Variants in PRKCE observed in about 807,000 individuals in gnomAD.
PRKCE encodes the protein protein kinase C epsilon type.
In PRKCE, 16 loss-of-function variants were observed where a neutral mutation model predicts 85.4. That is an observed-to-expected ratio of 0.19 (90% confidence interval 0.13 to 0.28). The LOEUF is 0.28. PRKCE is among the 10% of genes least tolerant of loss of function. PRKCE has a pLI of 1.00. For missense variants in PRKCE, 573 were observed against 975.2 expected, an observed-to-expected ratio of 0.59 and a Z score of 5.49; for synonymous variants, 388 against 371.5, an observed-to-expected ratio of 1.04 and a Z score of -0.51.
chr2:45,778,183 C>T (rs750555150), intron 1 of PRKCE, among the ~76,000 whole-genome samples: 6 of 152,110 alleles, frequency 3.9e-5, no homozygotes, highest in Non-Finnish European at 8.8e-5. Context: ...AAGCCAATTG[C>T]TGATGGCTTT....
At chr2:46,117,066 G>A (rs1471005120) in intron 11 of PRKCE, among the ~76,000 whole-genome samples, 1 of 152,194 alleles carries the variant, frequency 6.6e-6, no homozygotes, top group Non-Finnish European at 1.5e-5. Context: ...GGAAAGTGAA[G>A]AGAACAATTG....
intron 11 of PRKCE, among the ~76,000 whole-genome samples, chr2:46,105,117 A>G (rs1403640987): frequency 6.6e-6 from 1 of 151,512 alleles, no homozygotes; most frequent in African/African-American, 2.4e-5. Flanking sequence ...GGTGTCTGAG[A>G]GTTTGTCCGC....
At chr2:45,775,494 T>C (rs190070859) in intron 1 of PRKCE, among the ~76,000 whole-genome samples, 1 of 152,318 alleles carries the variant, frequency 6.6e-6, no homozygotes, top group Non-Finnish European at 1.5e-5. Context: ...AACATTTCCA[T>C]AGAGTTGTTT....
chr2:45,706,556 C>A (rs906003556), intron 1 of PRKCE, among the ~76,000 whole-genome samples: 1 of 152,142 alleles, frequency 6.6e-6, no homozygotes, highest in African/African-American at 2.4e-5. Flanking sequence ...GATTGGGTTC[C>A]AGAATGATCT....
At chr2:46,168,146 G>A (rs561234405) in intron 14 of PRKCE, among the ~76,000 whole-genome samples, 1 of 152,178 alleles carries the variant, frequency 6.6e-6, no homozygotes, top group Non-Finnish European at 1.5e-5. Flanking sequence ...CCAGGGAAGA[G>A]TGTGAGGCCT....
intron 2 of PRKCE, among the ~76,000 whole-genome samples, chr2:45,924,544 A>C (rs923390394): frequency 1.3e-5 from 2 of 152,206 alleles, no homozygotes; most frequent in African/African-American, 4.8e-5. Context: ...GCCACTTCCT[A>C]GCAGTGGACC....
At chr2:46,078,552 A>AAT (rs75888765) in intron 10 of PRKCE, among the ~76,000 whole-genome samples, 24,980 of 151,108 alleles carry the variant, frequency 0.17, 3,145 homozygotes, top group East Asian at 0.5. Context: ...AAAAAAAAAA[A>AAT]AATAAGATTT....
chr2:45,780,640 G>T (rs541468007), intron 1 of PRKCE, among the ~76,000 whole-genome samples: 1 of 152,216 alleles, frequency 6.6e-6, no homozygotes, highest in African/African-American at 2.4e-5. Context: ...CCAAACCTCT[G>T]TAGGGTTGGC....
chr2:45,978,759 A>C, intron 3 of PRKCE: 1 of 541,194 alleles, frequency 1.8e-6, no homozygotes, highest in Non-Finnish European at 3.3e-6. Context: ...GATGCTGACC[A>C]AACCTTGCAC....
chr2:46,078,813 C>T (rs541846095), intron 10 of PRKCE: 1 of 152,240 alleles, frequency 6.6e-6, no homozygotes, highest in African/African-American at 2.4e-5. Flanking sequence ...GTCTTTGCCC[C>T]AGTTCAGCTT....
At chr2:46,031,591 C>CGTATGTGTGT (rs1491470356) in intron 10 of PRKCE, among the ~76,000 whole-genome samples, 1 of 144,028 alleles carries the variant, frequency 6.9e-6, no homozygotes, top group African/African-American at 2.6e-5. Flanking sequence ...ACATTCTGCT[C>CGTATGTGTGT]GTGTGTGTGT....
At chr2:46,096,473 A>G (rs1024872124) in intron 11 of PRKCE, among the ~76,000 whole-genome samples, 2 of 152,168 alleles carry the variant, frequency 1.3e-5, no homozygotes, top group African/African-American at 2.4e-5. Context: ...AGGGCCTTTA[A>G]AGAGGTAATG....
rs113974755 is a variant in PRKCE, at chr2:45,730,538, C to A, written c.348+78090C>A. 3.3e-5 allele frequency among the ~76,000 whole-genome samples: 5 copies of A among 151,036 alleles called. No individual in the cohort carries two copies. The East Asian group carries it at 9.8e-4, about 30-fold the overall frequency. On this transcript the variant is annotated intron_variant, in intron 1 of 14. Coordinates refer to ENST00000306156, the MANE Select transcript of PRKCE (RefSeq NM_005400.3). Reference sequence around the variant, plus strand: ...ACAGTGGCACAATCTCGGCTCACTGCGACTTCTGCCTCCTGGGTTCAGGCA... The same window carrying A: ...ACAGTGGCACAATCTCGGCTCACTGAGACTTCTGCCTCCTGGGTTCAGGCA...
intron 1 of PRKCE, among the ~76,000 whole-genome samples, chr2:45,714,377 G>A (rs950658801): frequency 6.6e-6 from 1 of 152,224 alleles, no homozygotes; most frequent in African/African-American, 2.4e-5. Flanking sequence ...CAAAGGGAGA[G>A]AAGGAGCTGA....
At chr2:45,932,604 G>A (rs1384110746) in intron 2 of PRKCE, among the ~76,000 whole-genome samples, 9 of 152,056 alleles carry the variant, frequency 5.9e-5, no homozygotes, top group African/African-American at 2.2e-4. Flanking sequence ...CTGTTCTGGT[G>A]GGTATGTTTT....
At position 45,756,736 on chromosome 2, in the gene PRKCE, T is replaced by C. The variant is rs139290290; in HGVS notation, c.349-86264T>C. The stretch of plus-strand genomic sequence containing the variant: ...ACAATTTGGAATGCACATTATATGA[T>C]TCCATTCATATAACATTTTGGAAAA... On this transcript the variant is annotated intron_variant, in intron 1 of 14. Coordinates refer to ENST00000306156, the MANE Select transcript of PRKCE (RefSeq NM_005400.3). Among the ~76,000 whole-genome samples, 597 of 152,338 alleles carry C rather than the reference T, an allele frequency of 3.9e-3. 8 individuals are homozygous for C. Among genetic ancestry groups the C allele is most frequent in the African/African-American group, 0.013 (560 of 41,570 alleles).
rs543739102 is a variant in PRKCE at position 45,976,340 on chromosome 2, C to A, written c.413-89C>A. 73 of 1,463,490 alleles carry A rather than the reference C, an allele frequency of 5.0e-5. 1 individual carries two copies. Among genetic ancestry groups the A allele is most frequent in the South Asian group, 3.3e-4 (26 of 79,574 alleles). The allele number at this position is 1,463,490 out of a possible 1,614,324, so 90.7% of individuals were successfully genotyped here. On this transcript the variant is annotated intron_variant, in intron 2 of 14. Transcript: ENST00000306156. Reference sequence around the variant, plus strand: ...CTCACCCACCCCAGCTCCACTCCCCCAGGGATGGAGTAGCTCTCCAGAGGG... The same window carrying A: ...CTCACCCACCCCAGCTCCACTCCCCAAGGGATGGAGTAGCTCTCCAGAGGG...
At chr2:46,094,788 TTAAAA>T (rs1377092079) in intron 11 of PRKCE, among the ~76,000 whole-genome samples, 2 of 143,936 alleles carry the variant, frequency 1.4e-5, no homozygotes, top group Admixed American at 7.2e-5. Flanking sequence ...AACTCAGAAC[TTAAAA>T]TAAAAGTTGA....
intron 12 of PRKCE, 34 bp from the exon 13 acceptor site, chr2:46,151,007 T>G: frequency 6.4e-7 from 1 of 1,574,226 alleles, no homozygotes; most frequent in Non-Finnish European, 8.6e-7. Context: ...TGGGAGCCTT[T>G]GATGGTGCCT....
Sources: gnomAD v4.1 joint callset for allele counts (sites outside exome capture counted in the v4.1 genomes callset) on GRCh38, gnomAD v4.1.1 for gene constraint, MANE v1.5 for transcripts, NCBI Gene and HGNC (gene_info 2026-07-23, HGNC 2026-07-21) for gene names.